Variants in PCDHA8 observed in about 807,000 individuals in gnomAD.
PCDHA8 encodes the protein protocadherin alpha 8, also known as protocadherin alpha-8.
Under a neutral mutation model 61.8 loss-of-function variants are expected in PCDHA8, and 53 were observed. That is an observed-to-expected ratio of 0.86 (90% confidence interval 0.69 to 1.08). The LOEUF (loss-of-function observed/expected upper bound fraction) is 1.08, where lower values mean the gene tolerates loss of function less well. Among genes scored for constraint, PCDHA8 ranks in the 50% least tolerant of loss-of-function variants. The pLI, the probability that PCDHA8 is intolerant of heterozygous loss-of-function variation, is 0.00. For missense variants in PCDHA8, 1,293 were observed against 1,245.0 expected (o/e 1.04, Z -0.58); for synonymous variants, 618 against 556.6 (o/e 1.11, Z -1.55).
At chr5:140,969,034 G>A in intron 1 of PCDHA8, 1 of 1,614,144 alleles carries the variant, frequency 6.2e-7, no homozygotes, top group East Asian at 2.2e-5. Flanking sequence ...CTGCAGAACT[G>A]TACAAACAAG....
At chr5:140,858,594 G>A (rs1554151838) in intron 1 of PCDHA8, 5 of 1,317,532 alleles carry the variant, frequency 3.8e-6, no homozygotes, top group Admixed American at 2.6e-5. Context: ...TTTATTCCAG[G>A]AGTTTTAAAA....
At chr5:140,984,030 A>T (rs900763001) in intron 3 of PCDHA8, among the ~76,000 whole-genome samples, 17 of 152,330 alleles carry the variant, frequency 1.1e-4, no homozygotes, top group African/African-American at 3.6e-4. Context: ...AAGGGGAAAA[A>T]CATAAAATAG....
At chr5:140,861,849 T>G (rs2047107514) in intron 1 of PCDHA8, 1 of 156,218 alleles carries the variant, frequency 6.4e-6, no homozygotes, top group Non-Finnish European at 1.4e-5. Flanking sequence ...CTACTCTTGG[T>G]GCTCAAAGCA....
chr5:141,002,141 A>G (rs1554258528), intron 3 of PCDHA8, among the ~76,000 whole-genome samples: 3 of 152,258 alleles, frequency 2.0e-5, no homozygotes, highest in Admixed American at 6.5e-5. Context: ...TGCCGGCTGC[A>G]CTGACTTAGC....
intron 1 of PCDHA8, chr5:140,969,117 A>C (rs1554231477): frequency 6.2e-7 from 1 of 1,614,178 alleles, no homozygotes; most frequent in Admixed American, 1.7e-5. Flanking sequence ...GTTCGAGGGA[A>C]TGGCTCCCTC....
At chr5:140,881,347 C>T in intron 1 of PCDHA8, 1 of 985,212 alleles carries the variant, frequency 1.0e-6, no homozygotes, top group Non-Finnish European at 1.2e-6. Context: ...ATTCGGGCTA[C>T]AATGCGTGGC....
chr5:140,903,086 C>T lies in PCDHA8; in HGVS notation c.2394+59371C>T, dbSNP rs534457835. 2.6e-5 allele frequency among the ~76,000 whole-genome samples: 4 copies of T among 152,260 alleles called. No homozygotes were observed. In the East Asian group the frequency reaches 7.7e-4, roughly 29 times the overall value. ...CCTTTGGGTAGATACCTGATAGTGGCATTGCTGGATCAAATAATAGCTCTA... is the reference window on the plus strand; with the variant it reads ...CCTTTGGGTAGATACCTGATAGTGGTATTGCTGGATCAAATAATAGCTCTA... On this transcript the variant is annotated intron_variant, in intron 1 of 3. Transcript: ENST00000531613.
intron 2 of PCDHA8, 29 bp downstream of exon 2, chr5:140,979,036 A>G: frequency 6.2e-7 from 1 of 1,613,064 alleles, no homozygotes. Context: ...ATTCACTCAG[A>G]AGTAACCTTA....
In PCDHA8 at chr5:140,857,593, G is replaced by C. The variant is rs782606088; in HGVS notation, c.2394+13878G>C. ...TGTCGGTGCACGCGGAGAGCGGCAAGGTGTACGCGCTGCAGCCGCTGGACC... is the reference window on the plus strand; with the variant it reads ...TGTCGGTGCACGCGGAGAGCGGCAACGTGTACGCGCTGCAGCCGCTGGACC... On this transcript the variant is annotated intron_variant, in intron 1 of 3. Coordinates refer to ENST00000531613, the MANE Select transcript of PCDHA8 (RefSeq NM_018911.3). 2.5e-6 allele frequency: 4 copies of C among 1,596,536 alleles called. No individual in the cohort carries two copies. The East Asian group carries it at 6.7e-5, about 27-fold the overall frequency.
At position 140,856,042 on chromosome 5, in the gene PCDHA8, G is replaced by A. The variant is rs149114226; in HGVS notation, c.2394+12327G>A. On this transcript the variant is annotated intron_variant, in intron 1 of 3. Transcript: ENST00000531613. ...TTCGTCGATTTGTAAAACAAGAGAA[G>A]GATAAGATGGTTTCCAGATGTAGCT... 68 of 1,579,466 alleles carry A rather than the reference G, an allele frequency of 4.3e-5. 8 individuals carry two copies. The Admixed American group carries it at 1.1e-3, about 26-fold the overall frequency.
intron 1 of PCDHA8, among the ~76,000 whole-genome samples, chr5:140,954,250 T>C (rs1018325931): frequency 6.6e-6 from 1 of 152,252 alleles, no homozygotes; most frequent in Non-Finnish European, 1.5e-5. Context: ...AACATACACA[T>C]GCAGGTATCT....
rs560404461 is a variant in PCDHA8, at chr5:140,857,491, G to T, written c.2394+13776G>T. The T allele has an allele frequency of 3.1e-5, 49 of 1,598,340 alleles. 2 individuals are homozygous for T. The highest frequency in any genetic ancestry group is 2.8e-4 in the South Asian group (25 of 90,546). On this transcript the variant is annotated intron_variant, in intron 1 of 3. Transcript: ENST00000531613. Reference sequence around the variant, plus strand: ...TCTTCACGGTGTCTGCGTGGGACGCGGACGCGCAGGAGAACGCCCTGGTGT... The same window carrying T: ...TCTTCACGGTGTCTGCGTGGGACGCTGACGCGCAGGAGAACGCCCTGGTGT...
intron 1 of PCDHA8, chr5:140,875,653 C>T (rs1554167829): frequency 1.2e-6 from 2 of 1,613,682 alleles, no homozygotes; most frequent in East Asian, 2.2e-5. Context: ...GGAGCTGGTG[C>T]CGCGCCTGTT....
At chr5:141,002,085 A>G (rs959603404) in intron 3 of PCDHA8, among the ~76,000 whole-genome samples, 1 of 152,244 alleles carries the variant, frequency 6.6e-6, no homozygotes, top group African/African-American at 2.4e-5. Context: ...AAGAACGAGC[A>G]GTCCAGGGGC....
intron 1 of PCDHA8, chr5:140,882,154 A>C (rs2058976763): frequency 1.3e-6 from 2 of 1,505,976 alleles, no homozygotes; most frequent in Non-Finnish European, 1.8e-6. Flanking sequence ...AGAAAGCGGA[A>C]TACCTCTTGC....
chr5:140,923,152 T>C (rs2153567399), intron 1 of PCDHA8, among the ~76,000 whole-genome samples: 1 of 152,204 alleles, frequency 6.6e-6, no homozygotes, highest in South Asian at 2.1e-4. Context: ...TAAAAAAAAT[T>C]ATAGAAAGAT....
At chr5:140,849,934 G>C (rs2150458402) in intron 1 of PCDHA8, 4 of 1,598,054 alleles carry the variant, frequency 2.5e-6, no homozygotes, top group Non-Finnish European at 3.4e-6. Flanking sequence ...GTGTCTGCGC[G>C]GGACGCTGAC....
chr5:140,858,465 T>C lies in PCDHA8; in HGVS notation c.2394+14750T>C, dbSNP rs1554151663. The C allele has an allele frequency of 1.3e-6, 2 of 1,522,706 alleles. 1 individual carries two copies. The allele number at this position is 1,522,706 out of a possible 1,614,324, so 94.3% of individuals were successfully genotyped here. ...GGTTATTACGTTTTCATTTTCCTTT[T>C]GTGCTTTATGAATAATATTTTCTCT... On this transcript the variant is annotated intron_variant, in intron 1 of 3. Coordinates refer to ENST00000531613, the MANE Select transcript of PCDHA8 (RefSeq NM_018911.3).
rs542615615 is a variant in PCDHA8, at chr5:140,855,959, A to G, written c.2394+12244A>G. 8 of 1,399,890 alleles carry G rather than the reference A, an allele frequency of 5.7e-6. No homozygotes were observed. In the East Asian group the frequency reaches 1.1e-4, roughly 20 times the overall value. The allele number at this position is 1,399,890 out of a possible 1,614,324, so 86.7% of individuals were successfully genotyped here. On this transcript the variant is annotated intron_variant, in intron 1 of 3. Transcript: ENST00000531613. Reference sequence around the variant, plus strand: ...GAGATCTCAGCCATTTCGATAAAAAATAGATATAAGAAATAGGACAGAAAA... The same window carrying G: ...GAGATCTCAGCCATTTCGATAAAAAGTAGATATAAGAAATAGGACAGAAAA...
Sources: allele counts gnomAD v4.1 joint callset (sites outside exome capture counted in the v4.1 genomes callset), GRCh38; gene constraint gnomAD v4.1.1; transcripts MANE v1.5; gene names NCBI Gene and HGNC (gene_info 2026-07-23, HGNC 2026-07-21).